Variants in TMPRSS15 observed in about 807,000 individuals in gnomAD.
TMPRSS15 encodes the protein transmembrane serine protease 15.
In TMPRSS15, 128 loss-of-function variants were observed where a neutral mutation model predicts 125.3. The ratio of observed to expected loss-of-function variants is 1.02; its 90% CI spans 0.89 to 1.18. The LOEUF (loss-of-function observed/expected upper bound fraction) is 1.18, where lower values mean the gene tolerates loss of function less well. TMPRSS15 is among the 50% of genes most tolerant of loss of function. The pLI, the probability that TMPRSS15 is intolerant of heterozygous loss-of-function variation, is 0.00. For missense variants in TMPRSS15, 1,283 were observed against 1,212.7 expected (o/e 1.06, Z -0.86); for synonymous variants, 446 against 423.2 (o/e 1.05, Z -0.66).
chr21:18,392,883 G>A (rs8135009), intron 3 of TMPRSS15, among the ~76,000 whole-genome samples: 41,975 of 151,870 alleles, frequency 0.28, 6,030 homozygotes, highest in East Asian at 0.47. Flanking sequence ...GATCTCATGA[G>A]AACTCATCCA....
chr21:18,451,177 T>C (rs1358787356), intron 1 of TMPRSS15, among the ~76,000 whole-genome samples: 2 of 152,174 alleles, frequency 1.3e-5, no homozygotes, highest in African/African-American at 4.8e-5. Flanking sequence ...TTTAGATATA[T>C]GTAAAAACTC....
At chr21:18,471,146 C>T (rs1364778296) in intron 1 of TMPRSS15, among the ~76,000 whole-genome samples, 1 of 151,864 alleles carries the variant, frequency 6.6e-6, no homozygotes, top group Non-Finnish European at 1.5e-5. Flanking sequence ...GGGGTTTCAA[C>T]AGAACTGTAT....
chr21:18,315,049 G>T (rs969373605), intron 17 of TMPRSS15, 97 bp downstream of exon 17: 3 of 949,666 alleles, frequency 3.2e-6, no homozygotes, highest in African/African-American at 1.6e-5. Context: ...CATCAAAACA[G>T]GTCCTAATAG....
chr21:18,315,347 G>A, intron 16 of TMPRSS15, 91 bp from the exon 17 acceptor site: 1 of 1,084,056 alleles, frequency 9.2e-7, no homozygotes, highest in South Asian at 1.3e-5. Flanking sequence ...CTTTAAACAT[G>A]AGTCCTTTGC....
At chr21:18,441,661 C>CATTATTATTATT (rs113071625) in intron 1 of TMPRSS15, among the ~76,000 whole-genome samples, 28 of 134,720 alleles carry the variant, frequency 2.1e-4, no homozygotes, top group African/African-American at 5.7e-4. Flanking sequence ...CTTTAGGACA[C>CATTATTATTATT]ATTATTATTA....
intron 1 of TMPRSS15, among the ~76,000 whole-genome samples, chr21:18,455,783 A>G (rs934319277): frequency 1.3e-5 from 2 of 152,214 alleles, no homozygotes; most frequent in Non-Finnish European, 2.9e-5. Context: ...TTAACTCCCT[A>G]AAACTATTTT....
intron 1 of TMPRSS15, among the ~76,000 whole-genome samples, chr21:18,449,045 C>A (rs2076261774): frequency 6.6e-6 from 1 of 152,048 alleles, no homozygotes; most frequent in Non-Finnish European, 1.5e-5. Flanking sequence ...TTCTACTAAT[C>A]AAACTATACA....
intron 6 of TMPRSS15, among the ~76,000 whole-genome samples, chr21:18,369,763 A>G (rs552796541): frequency 3.8e-4 from 58 of 152,234 alleles, no homozygotes; most frequent in African/African-American, 1.3e-3. Context: ...TCAGGTGGAA[A>G]TAATGCTGCT....
Position 18,425,048 on chromosome 21 carries a change from C to T in TMPRSS15, c.11-26719G>A, listed in dbSNP as rs143826634. Among the ~76,000 whole-genome samples the T allele has an allele frequency of 4.4e-4, 67 of 151,202 alleles. 1 individual carries two copies. The highest frequency in any genetic ancestry group is 3.4e-3 in the Middle Eastern group (1 of 290). On this transcript the variant is annotated intron_variant, in intron 1 of 7. Transcript: ENST00000422787. ...ATATATTAATTCAAGATGCCAGAGACATTAAGAAAAGAGTAATCCCTATCA... is the reference window on the plus strand; with the variant it reads ...ATATATTAATTCAAGATGCCAGAGATATTAAGAAAAGAGTAATCCCTATCA...
chr21:18,280,631 A>T (rs946921231), intron 22 of TMPRSS15, among the ~76,000 whole-genome samples: 2 of 151,506 alleles, frequency 1.3e-5, no homozygotes, highest in Non-Finnish European at 2.9e-5. Flanking sequence ...TCCTTCTATG[A>T]ATAACTTAAT....
At chr21:18,305,748 G>A (rs963040986) in intron 18 of TMPRSS15, among the ~76,000 whole-genome samples, 2 of 152,104 alleles carry the variant, frequency 1.3e-5, no homozygotes, top group Middle Eastern at 3.2e-3. Flanking sequence ...CCCCCACCCT[G>A]CTAGATATTA....
rs556302692 is a variant in TMPRSS15 at position 18,357,529 on chromosome 21, A to G, written c.880+2228T>C. Among the ~76,000 whole-genome samples, 36 of 151,972 alleles carry G rather than the reference A, an allele frequency of 2.4e-4. No individual in the cohort carries two copies. In the South Asian group the frequency reaches 7.0e-3, roughly 30 times the overall value. On this transcript the variant is annotated intron_variant, in intron 8 of 24. Transcript: ENST00000284885. ...CTTACCCTAAGTAAAAAATTTATATATTTCCAATATTGTACAAATAATAAC... is the reference window on the plus strand; with the variant it reads ...CTTACCCTAAGTAAAAAATTTATATGTTTCCAATATTGTACAAATAATAAC...
intron 6 of TMPRSS15, among the ~76,000 whole-genome samples, chr21:18,368,883 G>C (rs2075764432): frequency 6.6e-6 from 1 of 152,124 alleles, no homozygotes; most frequent in Non-Finnish European, 1.5e-5. Context: ...ATCTTCTCAA[G>C]ACAGAGGCTT....
intron 5 of TMPRSS15, among the ~76,000 whole-genome samples, chr21:18,377,961 C>T (rs773688387): frequency 1.1e-4 from 17 of 152,066 alleles, no homozygotes; most frequent in Non-Finnish European, 2.2e-4. Context: ...AAGTCCAGTG[C>T]TTTCTGGCTT....
chr21:18,387,339 T>C (rs1272918845), intron 3 of TMPRSS15, among the ~76,000 whole-genome samples: 2 of 152,100 alleles, frequency 1.3e-5, no homozygotes, highest in African/African-American at 2.4e-5. Flanking sequence ...TAGAGCAAAA[T>C]ATTAGTTATC....
chr21:18,421,701 C>T (rs192122069), intron 1 of TMPRSS15, among the ~76,000 whole-genome samples: 1 of 152,094 alleles, frequency 6.6e-6, no homozygotes, highest in African/African-American at 2.4e-5. Flanking sequence ...TGCTCTTCTC[C>T]TTAATCTATT....
At chr21:18,332,887 T>A (rs2075358789) in intron 13 of TMPRSS15, among the ~76,000 whole-genome samples, 1 of 152,200 alleles carries the variant, frequency 6.6e-6, no homozygotes, top group African/African-American at 2.4e-5. Context: ...AGGTGGTACA[T>A]ATATACCATA....
intron 24 of TMPRSS15, among the ~76,000 whole-genome samples, chr21:18,274,838 A>C (rs1258179670): frequency 6.6e-6 from 1 of 152,130 alleles, no homozygotes; most frequent in Non-Finnish European, 1.5e-5. Context: ...TGTTTGTTTT[A>C]AGTTTGCATG....
At chr21:18,444,434 T>C (rs1443980890) in intron 1 of TMPRSS15, among the ~76,000 whole-genome samples, 1 of 151,736 alleles carries the variant, frequency 6.6e-6, no homozygotes, top group Non-Finnish European at 1.5e-5. Context: ...GTTGGACAAT[T>C]AGAACACATG....
Sources: gnomAD v4.1 joint callset for allele counts (sites outside exome capture counted in the v4.1 genomes callset) on GRCh38, gnomAD v4.1.1 for gene constraint, MANE v1.5 for transcripts, NCBI Gene and HGNC (gene_info 2026-07-23, HGNC 2026-07-21) for gene names.